HSPB1: variants seen among roughly 807,000 people sequenced by gnomAD.
HSPB1 encodes the protein heat shock protein family B (small) member 1.
A neutral mutation model predicts 17.0 loss-of-function variants in HSPB1; 19 were observed. That is an observed-to-expected ratio of 1.12 (90% CI 0.78 to 1.64). The LOEUF is 1.64. Ranked by LOEUF, HSPB1 falls within the 40% of genes most tolerant of loss-of-function variation. The pLI is 0.00. For missense variants in HSPB1, 348 were observed against 289.2 expected, an observed-to-expected ratio of 1.20 and a Z score of -1.47; for synonymous variants, 165 against 129.8, an observed-to-expected ratio of 1.27 and a Z score of -1.84.
chr7:76,303,473 C>A (rs1017913973), intron 1 of HSPB1: 2 of 554,818 alleles, frequency 3.6e-6, no homozygotes, highest in Admixed American at 3.1e-5. Flanking sequence ...CACCCACAGC[C>A]CCATCCCCAG....
intron 1 of HSPB1, 90 bp downstream of exon 1, chr7:76,303,166 C>T (rs1803035469): frequency 7.0e-7 from 1 of 1,438,274 alleles, no homozygotes; most frequent in Non-Finnish European, 9.3e-7. Context: ...GTCCCGGGGG[C>T]CTGGGGAGTT....
At position 76,302,738 on chromosome 7, in the gene HSPB1, C is replaced by T; in HGVS notation, c.26C>T (p.Ser9Leu). The T allele has an allele frequency of 6.2e-7, 1 of 1,605,056 alleles. No individual in the cohort carries two copies. Among genetic ancestry groups the T allele is most frequent in the Non-Finnish European group, 8.5e-7 (1 of 1,179,820 alleles). Residue 9 changes from serine (S) to leucine (L), a missense_variant, in exon 1 of 3, where the codon TCG (serine) becomes TTG (leucine). Physicochemically the swap from Ser to Leu is moderately radical, Grantham distance 145. Transcript: ENST00000248553. Reference protein sequence around the residue: MTERRVPFSLLRGPSWDPF... With the variant: MTERRVPFLLLRGPSWDPF... Reference sequence around the variant, plus strand: ...ATGACCGAGCGCCGCGTCCCCTTCTCGCTCCTGCGGGGCCCCAGCTGGGAC... The same window carrying T: ...ATGACCGAGCGCCGCGTCCCCTTCTTGCTCCTGCGGGGCCCCAGCTGGGAC...
Position 76,303,791 on chromosome 7 carries a change from T to TC in HSPB1, c.365-5dup, listed in dbSNP as rs759570569. ...CTCCCCCGCAGTCTGATTTCCCTCT[T>TC]CCCCCCAAAGGCAAGCACGAGGAGC... On this transcript the variant is annotated splice_polypyrimidine_tract_variant and intron_variant, in intron 1 of 2. Coordinates refer to ENST00000248553, the MANE Select transcript of HSPB1 (RefSeq NM_001540.5). 32 of 1,597,234 alleles carry TC rather than the reference T, an allele frequency of 2.0e-5. No individual in the cohort carries two copies. Among genetic ancestry groups the TC allele is most frequent in the South Asian group, 4.4e-5 (4 of 90,568 alleles).
chr7:76,303,086 C>T lies in HSPB1; in HGVS notation c.364+10C>T. ...GTGGTGGAGATCACCGGTGAGCCCC[C>T]CTGCTCCTGCAGGGGAGAGGAGGAG... On this transcript the variant is annotated intron_variant, in intron 1 of 2. Coordinates refer to ENST00000248553, the MANE Select transcript of HSPB1 (RefSeq NM_001540.5). 1 of 1,515,960 alleles carries T rather than the reference C, an allele frequency of 6.6e-7. No homozygotes were observed. The highest frequency in any genetic ancestry group is 8.8e-7 in the Non-Finnish European group (1 of 1,132,370). The allele number at this position is 1,515,960 out of a possible 1,614,324, so 93.9% of individuals were successfully genotyped here. A position where few individuals can be genotyped will look rare whatever the true frequency, so the allele number is the denominator to read the frequency against.
intron 1 of HSPB1, 30 bp from the exon 2 acceptor site, chr7:76,303,772 C>A (rs1176895731): frequency 1.2e-6 from 2 of 1,604,318 alleles, no homozygotes; most frequent in Non-Finnish European, 1.7e-6. Context: ...TCCCCTCCCC[C>A]GCAGTCTGAT....
At position 76,304,277 on chromosome 7, in the gene HSPB1, G is replaced by T; in HGVS notation, c.*104G>T. 8.1e-7 allele frequency: 1 copy of T among 1,233,498 alleles called. No homozygotes were observed. Among genetic ancestry groups the T allele is most frequent in the Non-Finnish European group, 1.2e-6 (1 of 858,444 alleles). The allele number at this position is 1,233,498 out of a possible 1,614,324, so 76.4% of individuals were successfully genotyped here. Reference sequence around the variant, plus strand: ...TTATCTTCTGTTTTTCTCAAATAAAGTTCAAAGCAACCACCTGTCACTGGC... The same window carrying T: ...TTATCTTCTGTTTTTCTCAAATAAATTTCAAAGCAACCACCTGTCACTGGC... On this transcript the variant is annotated 3_prime_UTR_variant, in exon 3 of 3. Coordinates refer to ENST00000248553, the MANE Select transcript of HSPB1 (RefSeq NM_001540.5).
At chr7:76,303,311 T>G (rs1282939947) in intron 1 of HSPB1, 9 of 558,124 alleles carry the variant, frequency 1.6e-5, no homozygotes, top group Non-Finnish European at 2.5e-5. Context: ...GAGGATCGCT[T>G]GAGGCCAGGA....
rs1408940472 is a variant in HSPB1 at position 76,302,808 on chromosome 7, C to A, written c.96C>A (p.Ala32=). 10 of 1,608,172 alleles carry A rather than the reference C, an allele frequency of 6.2e-6. No homozygotes were observed. Among genetic ancestry groups the A allele is most frequent in the African/African-American group, 1.3e-5 (1 of 74,908 alleles). ...WYPHSRLFDQ[A]FGLPRLPEEW... ...CGCATAGCCGCCTCTTCGACCAGGC[C>A]TTCGGGCTGCCCCGGCTGCCGGAGG... is the stretch of plus-strand genomic sequence containing the variant. Residue 32 remains alanine (A), a synonymous_variant, in exon 1 of 3, where the codon GCC becomes GCA. Coordinates refer to ENST00000248553, the MANE Select transcript of HSPB1 (RefSeq NM_001540.5).
Position 76,302,903 on chromosome 7 carries a change from A to T in HSPB1, c.191A>T (p.Glu64Val). ...YVRPLPPAAI[E>V]SPAVAAPAYS... ...CGCCCCCTGCCCCCCGCCGCCATCGAGAGCCCCGCAGTGGCCGCGCCCGCC... is the reference window on the plus strand; with the variant it reads ...CGCCCCCTGCCCCCCGCCGCCATCGTGAGCCCCGCAGTGGCCGCGCCCGCC... The change falls in exon 1 of 3, where the codon GAG (glutamate) becomes GTG (valine). Residue 64 changes from glutamate to valine, a missense_variant. By Grantham distance (121) the Glu-to-Val change is moderately radical (BLOSUM62 -2). Transcript: ENST00000248553. The T allele has an allele frequency of 6.5e-7, 1 of 1,549,924 alleles. No homozygotes were observed. The highest frequency in any genetic ancestry group is 8.7e-7 in the Non-Finnish European group (1 of 1,153,492).
intron 1 of HSPB1, chr7:76,303,385 A>C (rs1449797309): frequency 7.1e-6 from 3 of 424,502 alleles, no homozygotes; most frequent in Non-Finnish European, 1.2e-5. Context: ...GCGCCATTAC[A>C]AAAAAAAAGC....
rs778366774 is a variant in HSPB1, at chr7:76,302,889, CCCCGCCG to C, written c.180_186del (p.Ala61SerfsTer47). ...GGCCAGGCTACGTGCGCCCCCTGCC[CCCCGCCG>C]CCATCGAGAGCCCCGCAGTGGCCGC... On this transcript the variant is annotated frameshift_variant, in exon 1 of 3. Transcript: ENST00000248553. LOFTEE classifies it high-confidence loss of function. 2.6e-6 allele frequency: 4 copies of C among 1,561,062 alleles called. No individual in the cohort carries two copies. In the African/African-American group the frequency reaches 4.1e-5, roughly 16 times the overall value.
At chr7:76,303,102 AGAGGAG>A (rs1291099786) in intron 1 of HSPB1, 26 bp downstream of exon 1, 2 of 1,505,928 alleles carry the variant, frequency 1.3e-6, no homozygotes, top group East Asian at 4.9e-5. Context: ...CCTGCAGGGG[AGAGGAG>A]GAGGCTAGCA....
Position 76,303,833 on chromosome 7 carries a change from C to T in HSPB1, c.396C>T (p.Gly132=). ...ACGAGGAGCGGCAGGACGAGCATGG[C>T]TACATCTCCCGGTGCTTCACGCGGA... is the stretch of plus-strand genomic sequence containing the variant. The part of the protein sequence containing the change: ...GKHEERQDEH[G]YISRCFTRKY... The change falls in exon 2 of 3, where the codon GGC becomes GGT. Residue 132 remains glycine, a synonymous_variant. Transcript: ENST00000248553. The T allele has an allele frequency of 6.3e-7, 1 of 1,598,886 alleles. No homozygotes were observed. The highest frequency in any genetic ancestry group is 8.5e-7 in the Non-Finnish European group (1 of 1,172,940).
In HSPB1 at chr7:76,302,722, C is replaced by A; in HGVS notation, c.10C>A (p.Arg4Ser). 1 of 1,602,552 alleles carries A rather than the reference C, an allele frequency of 6.2e-7. No homozygotes were observed. MTE[R>S]RVPFSLLRGP... Reference sequence around the variant, plus strand: ...AGCAGAGTCAGCCAGCATGACCGAGCGCCGCGTCCCCTTCTCGCTCCTGCG... The same window carrying A: ...AGCAGAGTCAGCCAGCATGACCGAGAGCCGCGTCCCCTTCTCGCTCCTGCG... Residue 4 changes from arginine (R) to serine (S), a missense_variant, in exon 1 of 3, where the codon CGC (arginine) becomes AGC (serine). Arg to Ser is a moderately radical substitution (Grantham distance 110). Transcript: ENST00000248553.
At chr7:76,303,438 G>A in intron 1 of HSPB1, 1 of 473,860 alleles carries the variant, frequency 2.1e-6, no homozygotes, top group Non-Finnish European at 3.7e-6. Flanking sequence ...GAGAGAAAAT[G>A]CGCTTTTCTA....
At chr7:76,303,227 G>A (rs2117159365) in intron 1 of HSPB1, 151 bp downstream of exon 1, 1 of 952,872 alleles carries the variant, frequency 1.0e-6, no homozygotes, top group East Asian at 2.7e-5. Context: ...CCCTTGCTCA[G>A]GAATTGGGAG....
In HSPB1 at chr7:76,303,304, G is replaced by A. The variant is rs545818986; in HGVS notation, c.364+228G>A. The A allele has an allele frequency of 3.9e-5, 22 of 569,606 alleles. No homozygotes were observed. In the South Asian group the frequency reaches 4.9e-4, roughly 13 times the overall value. 35.3% of individuals were successfully genotyped at this position (569,606 alleles called of 1,614,324 possible). Reference sequence around the variant, plus strand: ...GCGCTTTGGGAGGCCGAGACGGGAGGATCGCTTGAGGCCAGGAGTTCAAGA... The same window carrying A: ...GCGCTTTGGGAGGCCGAGACGGGAGAATCGCTTGAGGCCAGGAGTTCAAGA... On this transcript the variant is annotated intron_variant, in intron 1 of 2. Coordinates refer to ENST00000248553, the MANE Select transcript of HSPB1 (RefSeq NM_001540.5).
intron 1 of HSPB1, chr7:76,303,342 A>G (rs955130291): frequency 2.0e-6 from 1 of 512,028 alleles, no homozygotes; most frequent in Non-Finnish European, 3.4e-6. Context: ...AGCCTGGGCA[A>G]CATAGCGAGA....
rs77586767 is a variant in HSPB1, at chr7:76,302,721, G to C, written c.9G>C (p.Glu3Asp). The C allele has an allele frequency of 1.2e-6, 2 of 1,602,458 alleles. No homozygotes were observed. Among genetic ancestry groups the C allele is most frequent in the Non-Finnish European group, 1.7e-6 (2 of 1,179,880 alleles). MT[E>D]RRVPFSLLRG... Reference sequence around the variant, plus strand: ...GAGCAGAGTCAGCCAGCATGACCGAGCGCCGCGTCCCCTTCTCGCTCCTGC... The same window carrying C: ...GAGCAGAGTCAGCCAGCATGACCGACCGCCGCGTCCCCTTCTCGCTCCTGC... Residue 3 changes from glutamate (E) to aspartate (D), a missense_variant, in exon 1 of 3, where the codon GAG (glutamate) becomes GAC (aspartate). Transcript: ENST00000248553.
Sources: gnomAD v4.1 joint callset for allele counts on GRCh38, gnomAD v4.1.1 for gene constraint, MANE v1.5 for transcripts, NCBI Gene and HGNC (gene_info 2026-07-23, HGNC 2026-07-21) for gene names.